Variants in KCNB2 observed in about 807,000 individuals in gnomAD.
KCNB2 encodes delayed rectifier potassium channel protein.
Under a neutral mutation model 61.5 loss-of-function variants are expected in KCNB2, and 15 were observed. The ratio of observed to expected loss-of-function variants is 0.24; its 90% CI spans 0.16 to 0.38. The LOEUF (loss-of-function observed/expected upper bound fraction) is 0.38. KCNB2 is among the 10% of genes least tolerant of loss of function. KCNB2 has a pLI of 1.00. For synonymous variants in KCNB2, 457 were observed against 446.0 expected (o/e 1.02, Z -0.31); for missense variants, 828 against 1,125.2 (o/e 0.74, Z 3.78).
At chr8:72,710,611 C>T (rs115326275) in intron 2 of KCNB2, among the ~76,000 whole-genome samples, 1,946 of 152,266 alleles carry the variant, frequency 0.013, 40 homozygotes, top group African/African-American at 0.043. Flanking sequence ...ACTGAGCTGA[C>T]TTACCAGTGG....
chr8:72,681,839 A>G (rs781615016), intron 2 of KCNB2, among the ~76,000 whole-genome samples: 3 of 152,086 alleles, frequency 2.0e-5, no homozygotes, highest in Non-Finnish European at 4.4e-5. Flanking sequence ...CTCCATTATG[A>G]TCTTATGGGA....
At chr8:72,841,582 A>T (rs955255036) in intron 2 of KCNB2, among the ~76,000 whole-genome samples, 2 of 151,822 alleles carry the variant, frequency 1.3e-5, no homozygotes, top group Non-Finnish European at 2.9e-5. Flanking sequence ...ATGTTTTTCC[A>T]TTTGTTTGTG....
chr8:72,636,200 T>TG (rs539908962), intron 2 of KCNB2, among the ~76,000 whole-genome samples: 1 of 152,176 alleles, frequency 6.6e-6, no homozygotes, highest in South Asian at 2.1e-4. Context: ...TTGTAAAACA[T>TG]GGACTGTAAT....
rs373526809 is a variant in KCNB2 at position 72,874,855 on chromosome 8, T to G, written c.580-61080T>G. 1.2e-4 allele frequency: 18 copies of G among 152,372 alleles called. No homozygotes were observed. The South Asian group carries it at 2.1e-3, about 18-fold the overall frequency. 9.4% of individuals were successfully genotyped at this position (152,372 alleles called of 1,614,324 possible). ...ATCCAGTCTGCGACAAGGAAAAATC[T>G]TGGAGCAGACTAATAGCATCCTCAC... On this transcript the variant is annotated intron_variant, in intron 2 of 2. Coordinates refer to ENST00000523207, the MANE Select transcript of KCNB2 (RefSeq NM_004770.3).
At chr8:72,743,818 T>C (rs1808010342) in intron 2 of KCNB2, among the ~76,000 whole-genome samples, 1 of 151,688 alleles carries the variant, frequency 6.6e-6, no homozygotes, top group Admixed American at 6.6e-5. Context: ...GTCAATCACA[T>C]CAGATAAAAT....
At chr8:72,593,368 T>C (rs1807131189) in intron 2 of KCNB2, among the ~76,000 whole-genome samples, 1 of 152,180 alleles carries the variant, frequency 6.6e-6, no homozygotes, top group Non-Finnish European at 1.5e-5. Context: ...CATATTATGA[T>C]GTGTTAGATT....
rs189259992 is a variant in KCNB2 at position 72,641,344 on chromosome 8, G to A, written c.579+73031G>A. Among the ~76,000 whole-genome samples the A allele has an allele frequency of 3.3e-5, 5 of 152,134 alleles. No homozygotes were observed. The East Asian group carries it at 9.6e-4, about 29-fold the overall frequency. On this transcript the variant is annotated intron_variant, in intron 2 of 2. Coordinates refer to ENST00000523207, the MANE Select transcript of KCNB2 (RefSeq NM_004770.3). ...TTATTTTTTCTGTCACTATCCAGGT[G>A]AGTTAAATCACATTCATATAATTAG...
chr8:72,920,593 C>T (rs1423944893), intron 2 of KCNB2, among the ~76,000 whole-genome samples: 3 of 149,566 alleles, frequency 2.0e-5, no homozygotes, highest in African/African-American at 4.9e-5. Context: ...CAGTGACCCT[C>T]GATTATGCCA....
At chr8:72,724,866 C>T (rs1022591203) in intron 2 of KCNB2, among the ~76,000 whole-genome samples, 1 of 152,082 alleles carries the variant, frequency 6.6e-6, no homozygotes, top group Admixed American at 6.6e-5. Context: ...TTTCCCTTCC[C>T]ATTACTAGAA....
intron 2 of KCNB2, among the ~76,000 whole-genome samples, chr8:72,865,234 C>T (rs1226558811): frequency 6.6e-6 from 1 of 152,082 alleles, no homozygotes; most frequent in African/African-American, 2.4e-5. Context: ...TGTTTTCATT[C>T]CCCATCGCTT....
At chr8:72,720,562 T>C (rs531125442) in intron 2 of KCNB2, among the ~76,000 whole-genome samples, 146 of 152,336 alleles carry the variant, frequency 9.6e-4, no homozygotes, top group African/African-American at 3.4e-3. Context: ...TAGTCACATT[T>C]TCTGTTTACC....
intron 2 of KCNB2, among the ~76,000 whole-genome samples, chr8:72,720,909 A>T (rs1235763385): frequency 6.6e-6 from 1 of 152,140 alleles, no homozygotes; most frequent in Non-Finnish European, 1.5e-5. Flanking sequence ...TTAGACATAA[A>T]TTTTCTGAGT....
intron 2 of KCNB2, among the ~76,000 whole-genome samples, chr8:72,850,217 G>A (rs1266195344): frequency 7.3e-5 from 4 of 54,504 alleles, no homozygotes; most frequent in African/African-American, 2.9e-4. Flanking sequence ...GTGTGTGTGT[G>A]TGTATGTGTG....
At chr8:72,717,712 A>G (rs893096825) in intron 2 of KCNB2, among the ~76,000 whole-genome samples, 3 of 152,142 alleles carry the variant, frequency 2.0e-5, no homozygotes, top group African/African-American at 7.2e-5. Context: ...TAAAAACCCT[A>G]GAAGAAAACC....
intron 1 of KCNB2, among the ~76,000 whole-genome samples, chr8:72,551,434 G>A (rs755413126): frequency 6.6e-5 from 10 of 152,058 alleles, no homozygotes; most frequent in Non-Finnish European, 1.3e-4. Flanking sequence ...CGCCAGCATC[G>A]TCTCAGGCCC....
chr8:72,921,529 C>T (rs1244582986), intron 2 of KCNB2, among the ~76,000 whole-genome samples: 1 of 152,108 alleles, frequency 6.6e-6, no homozygotes, highest in Non-Finnish European at 1.5e-5. Flanking sequence ...ATGAGGAGTC[C>T]TTAGCACCTT....
intron 2 of KCNB2, among the ~76,000 whole-genome samples, chr8:72,734,723 TC>T (rs1807809677): frequency 6.6e-6 from 1 of 152,156 alleles, no homozygotes; most frequent in South Asian, 2.1e-4. Context: ...GAAATCAGTG[TC>T]AGTCAGTGAA....
At chr8:72,670,839 A>G (rs1268862742) in intron 2 of KCNB2, among the ~76,000 whole-genome samples, 1 of 152,052 alleles carries the variant, frequency 6.6e-6, no homozygotes, top group African/African-American at 2.4e-5. Context: ...CATCACCCTC[A>G]TTAGTTTTTA....
At chr8:72,932,899 A>G (rs1585985264) in intron 2 of KCNB2, among the ~76,000 whole-genome samples, 4 of 152,210 alleles carry the variant, frequency 2.6e-5, no homozygotes. Context: ...TGCACCACAC[A>G]TCACCTTGGT....
Sources: gnomAD v4.1 joint callset for allele counts (sites outside exome capture counted in the v4.1 genomes callset) on GRCh38, gnomAD v4.1.1 for gene constraint, MANE v1.5 for transcripts, NCBI Gene and HGNC (gene_info 2026-07-23, HGNC 2026-07-21) for gene names.